The following NELFCD variants were observed in gnomAD, a reference collection of about 807,000 sequenced individuals.
NELFCD encodes negative elongation factor complex member C/D, also known as negative elongation factor C/D.
Under a neutral mutation model 72.9 loss-of-function variants are expected in NELFCD, and 48 were observed. The ratio of observed to expected loss-of-function variants is 0.66; its 90% CI spans 0.52 to 0.84. The LOEUF is 0.84. Ranked by LOEUF, NELFCD falls within the 40% of genes least tolerant of loss-of-function variation. The probability of loss-of-function intolerance (pLI) is 0.00; values close to 1 mark genes in which losing one functional copy is unlikely to be tolerated. For missense variants in NELFCD, 538 were observed against 723.8 expected, an observed-to-expected ratio of 0.74 and a Z score of 2.94; for synonymous variants, 297 against 280.6, an observed-to-expected ratio of 1.06 and a Z score of -0.59.
chr20:58,989,567 T>C lies in NELFCD; in HGVS notation c.584T>C (p.Val195Ala). ...ACQQLEVFSR[V>A]LRTSLATILD... is the part of the protein sequence containing the mutation. ...CAGCAGCTAGAAGTGTTCTCGAGAGTGCTCCGGACCTCTCTAGCTACAATT... is the reference window on the plus strand; with the variant it reads ...CAGCAGCTAGAAGTGTTCTCGAGAGCGCTCCGGACCTCTCTAGCTACAATT... Residue 195 changes from valine to alanine, a missense_variant, in exon 6 of 15, where the codon GTG becomes GCG. Val to Ala is a moderately conservative substitution (Grantham distance 64, BLOSUM62 0). Coordinates refer to ENST00000652272, the MANE Select transcript of NELFCD (RefSeq NM_198976.4). The C allele has an allele frequency of 6.2e-7, 1 of 1,613,972 alleles. No homozygotes were observed. The highest frequency in any genetic ancestry group is 8.5e-7 in the Non-Finnish European group (1 of 1,179,970).
In NELFCD at chr20:58,989,769, G is replaced by A. The variant is rs79806098; in HGVS notation, c.658-89G>A. 4.3e-3 allele frequency: 6,959 copies of A among 1,608,134 alleles called. 274 individuals are homozygous for A. The African/African-American group carries it at 0.083, about 19-fold the overall frequency. ...GGCACCTTCCAGGATGCTCACTCCC[G>A]GGCCCGAGCACGGTGGAGGCTTGGC... is the stretch of plus-strand genomic sequence containing the variant. On this transcript the variant is annotated intron_variant, in intron 6 of 14. Transcript: ENST00000652272.
chr20:58,990,842 T>C, intron 7 of NELFCD, 68 bp from the exon 8 acceptor site: 3 of 1,350,472 alleles, frequency 2.2e-6, no homozygotes, highest in Non-Finnish European at 3.1e-6. Context: ...AAGTATTATA[T>C]GTGTAAAAAA....
In NELFCD at chr20:58,991,347, G is replaced by A; in HGVS notation, c.990G>A (p.Gln330=). The A allele has an allele frequency of 1.2e-6, 2 of 1,614,204 alleles. No homozygotes were observed. The highest frequency in any genetic ancestry group is 1.7e-6 in the Non-Finnish European group (2 of 1,180,050). ...RVPAFLDLFM[Q]SLFKPGARIN... is the part of the protein sequence containing the mutation. ...CAGCCTTCCTGGACCTGTTCATGCAGTCACTCTTTAAACCAGGGGCTCGGA... is the reference window on the plus strand; with the variant it reads ...CAGCCTTCCTGGACCTGTTCATGCAATCACTCTTTAAACCAGGGGCTCGGA... The change falls in exon 9 of 15, where the codon CAG becomes CAA. Residue 330 remains glutamine (Q), a synonymous_variant. Transcript: ENST00000652272.
Position 58,993,731 on chromosome 20 carries a change from T to G in NELFCD, c.1548T>G (p.Thr516=). ...YIRKCLEKLD[T]DISLIRYFVT... is the part of the protein sequence containing the mutation. ...GAAAGTGTCTGGAGAAGCTGGACAC[T>G]GACATTTCACTCATTCGCTATTTTG... The change falls in exon 13 of 15, where the codon ACT becomes ACG. Residue 516 remains threonine (T), a synonymous_variant. Transcript: ENST00000652272. The surrounding 1 kb of genome is among the most constrained non-coding windows in gnomAD (Gnocchi z 5.0). The G allele has an allele frequency of 6.2e-7, 1 of 1,614,262 alleles. No homozygotes were observed. Among genetic ancestry groups the G allele is most frequent in the Non-Finnish European group, 8.5e-7 (1 of 1,180,044 alleles).
intron 1 of NELFCD, among the ~76,000 whole-genome samples, chr20:58,982,761 G>A (rs562951032): frequency 6.6e-6 from 1 of 152,202 alleles, no homozygotes; most frequent in Non-Finnish European, 1.5e-5. Flanking sequence ...GGGGCAGGGA[G>A]TGACACGAGT....
Position 58,993,902 on chromosome 20 carries a change from A to G in NELFCD, c.1581+138A>G, listed in dbSNP as rs1326581771. The G allele has an allele frequency of 8.9e-7, 1 of 1,120,566 alleles. No individual in the cohort carries two copies. Among genetic ancestry groups the G allele is most frequent in the African/African-American group, 1.5e-5 (1 of 64,960 alleles). The allele number at this position is 1,120,566 out of a possible 1,614,324, so 69.4% of individuals were successfully genotyped here. On this transcript the variant is annotated intron_variant, in intron 13 of 14. Coordinates refer to ENST00000652272, the MANE Select transcript of NELFCD (RefSeq NM_198976.4). The surrounding 1 kb of genome is among the most constrained non-coding windows in gnomAD (Gnocchi z 5.0). Reference sequence around the variant, plus strand: ...TGATGACAATGACAGATACTCGTTTACCAAAAAGCACCTTCTGCCTGCAGC... The same window carrying G: ...TGATGACAATGACAGATACTCGTTTGCCAAAAAGCACCTTCTGCCTGCAGC...
chr20:58,991,827 G>C, intron 9 of NELFCD, 54 bp from the exon 10 acceptor site: 1 of 1,592,778 alleles, frequency 6.3e-7, no homozygotes, highest in South Asian at 1.1e-5. Context: ...AGAACACCCC[G>C]ACAGCAGGGA....
Position 58,993,519 on chromosome 20 carries a change from ACTC to A in NELFCD, c.1417_1419del (p.Ser473del). 1.2e-6 allele frequency: 2 copies of A among 1,613,984 alleles called. No individual in the cohort carries two copies. The highest frequency in any genetic ancestry group is 2.2e-5 in the South Asian group (2 of 91,080). ...CTTGTTAAGCTTTTTGAGACTGAGC[ACTC>A]CCAGCTGGACGTGATGGAGCAGGTG... On this transcript the variant is annotated inframe_deletion, in exon 12 of 15. Coordinates refer to ENST00000652272, the MANE Select transcript of NELFCD (RefSeq NM_198976.4). The surrounding 1 kb of genome is among the most constrained non-coding windows in gnomAD (Gnocchi z 5.0).
chr20:58,988,596 G>A (rs1472344915), intron 4 of NELFCD, among the ~76,000 whole-genome samples: 1 of 152,090 alleles, frequency 6.6e-6, no homozygotes, highest in Non-Finnish European at 1.5e-5. Flanking sequence ...TTTGCTAAGG[G>A]CATACAAGCT....
intron 1 of NELFCD, among the ~76,000 whole-genome samples, chr20:58,982,081 C>T (rs2091737799): frequency 6.6e-6 from 1 of 150,658 alleles, no homozygotes; most frequent in Non-Finnish European, 1.5e-5. Flanking sequence ...TGTAGCTTCT[C>T]ACGTCCCTCC....
At chr20:58,989,120 A>G (rs1192691289) in intron 5 of NELFCD, 99 bp downstream of exon 5, 34 of 852,262 alleles carry the variant, frequency 4.0e-5, no homozygotes, top group Non-Finnish European at 7.6e-6. Flanking sequence ...CTTTTTTTCC[A>G]TAAAGGTCTT....
Position 58,993,474 on chromosome 20 carries a change from A to AC in NELFCD, c.1375dup (p.Gln459ProfsTer8), listed in dbSNP as rs1166230474. On this transcript the variant is annotated frameshift_variant, in exon 12 of 15. Transcript: ENST00000652272. LOFTEE classifies it high-confidence loss of function. This position sits in a 1 kb window ranked among gnomAD's most constrained non-coding sequence, Gnocchi z 5.0. The stretch of plus-strand genomic sequence containing the variant: ...ATCAGCACCTGCCACCAGCTCCTGC[A>AC]CCCCCAGGTCCTGCAGCTGCTTGTT... The AC allele has an allele frequency of 1.2e-6, 2 of 1,613,894 alleles. No individual in the cohort carries two copies. Among genetic ancestry groups the AC allele is most frequent in the Admixed American group, 3.3e-5 (2 of 60,008 alleles).
In NELFCD at chr20:58,994,289, C is replaced by T. The variant is rs59543758; in HGVS notation, c.1711+50C>T. 4.7e-3 allele frequency: 7,491 copies of T among 1,589,684 alleles called. 249 individuals carry two copies. The African/African-American group carries it at 0.078, about 16-fold the overall frequency. ...ACTACAATAGAAAATGTCAGCTGGG[C>T]GCGGTGGCTCATGCCTGTAATCCCA... On this transcript the variant is annotated intron_variant, in intron 14 of 14. Transcript: ENST00000652272.
intron 1 of NELFCD, among the ~76,000 whole-genome samples, chr20:58,983,275 T>G (rs2091749464): frequency 6.6e-6 from 1 of 151,284 alleles, no homozygotes; most frequent in African/African-American, 2.4e-5. Context: ...TAGCTGGGAT[T>G]ACAGGCATCC....
chr20:58,992,169 T>G, intron 10 of NELFCD, 149 bp downstream of exon 10: 1 of 773,404 alleles, frequency 1.3e-6, no homozygotes, highest in Non-Finnish European at 2.0e-6. Context: ...TAGGGAACTT[T>G]AAACAGCTTT....
Position 58,986,909 on chromosome 20 carries a change from T to A in NELFCD, c.286+46T>A, listed in dbSNP as rs770284537. On this transcript the variant is annotated intron_variant, in intron 3 of 14. Transcript: ENST00000652272. The surrounding 1 kb of genome is among the most constrained non-coding windows in gnomAD (Gnocchi z 4.4). ...GTCCTGGCTAGTTACCCCCACTTTT[T>A]TAAAAATAGACTTTTGGGTCCTTAT... The A allele has an allele frequency of 5.3e-5, 67 of 1,267,038 alleles. No homozygotes were observed. In the African/African-American group the frequency reaches 8.9e-4, roughly 17 times the overall value. 78.5% of individuals were successfully genotyped at this position (1,267,038 alleles called of 1,614,324 possible). A position where few individuals can be genotyped will look rare whatever the true frequency, so the allele number is the denominator to read the frequency against.
chr20:58,987,743 A>G lies in NELFCD; in HGVS notation c.322A>G (p.Asn108Asp). Residue 108 changes from asparagine (N) to aspartate (D), a missense_variant, in exon 4 of 15, where the codon AAT becomes GAT. Around this residue, in one of 3 missense-constraint regions of NELFCD, gnomAD observed 355 missense variants for 534.5 expected, o/e 0.66. Transcript: ENST00000652272. ...AGTGCAGGTTCAGGAAACTGTGGAA[A>G]ATCACTTGAAGAGTTTGCTGATCAA... The part of the protein sequence containing the change: ...EPVQVQETVE[N>D]HLKSLLIKHF... 8.7e-6 allele frequency: 14 copies of G among 1,614,194 alleles called. No homozygotes were observed. Among genetic ancestry groups the G allele is most frequent in the Non-Finnish European group, 1.2e-5 (14 of 1,180,040 alleles).
chr20:58,990,774 T>C (rs2091810171), intron 7 of NELFCD, 136 bp from the exon 8 acceptor site: 3 of 731,346 alleles, frequency 4.1e-6, no homozygotes, highest in South Asian at 1.9e-5. Flanking sequence ...GTAAATGTTA[T>C]TTTTGTGGGT....
rs1236486918 is a variant in NELFCD, at chr20:58,989,963, G to C, written c.763G>C (p.Glu255Gln). ...CTCCGCTGTGCGCAGGATCGCCCAG[G>C]AAGTGCAGCGCTTTGCCCAGGAGAA... ...GGSAVRRIAQEVQRFAQEKGH... is the reference protein window; with the variant it reads ...GGSAVRRIAQQVQRFAQEKGH... Residue 255 changes from glutamate to glutamine, a missense_variant, in exon 7 of 15, where the codon GAA becomes CAA. This residue lies in a region of NELFCD where 355 missense variants were observed against 534.5 expected (regional missense o/e 0.66). Coordinates refer to ENST00000652272, the MANE Select transcript of NELFCD (RefSeq NM_198976.4). 1 of 1,613,582 alleles carries C rather than the reference G, an allele frequency of 6.2e-7. No homozygotes were observed. Among genetic ancestry groups the C allele is most frequent in the South Asian group, 1.1e-5 (1 of 91,062 alleles).
Sources: allele counts gnomAD v4.1 joint callset (sites outside exome capture counted in the v4.1 genomes callset), GRCh38; gene constraint gnomAD v4.1.1; regional missense constraint gnomAD v4.1.1; non-coding constraint Gnocchi (gnomAD v3.1); transcripts MANE v1.5; gene names NCBI Gene and HGNC (gene_info 2026-07-23, HGNC 2026-07-21).